Variants in PRKCQ observed in about 807,000 individuals in gnomAD.
PRKCQ encodes the protein protein kinase C theta.
A neutral mutation model predicts 91.2 loss-of-function variants in PRKCQ; 41 were observed. The observed-to-expected ratio is 0.45, with a 90% CI of 0.35 to 0.58. The LOEUF (loss-of-function observed/expected upper bound fraction) is 0.58. Among genes scored for constraint, PRKCQ ranks in the 20% least tolerant of loss-of-function variants. The pLI, the probability that PRKCQ is intolerant of heterozygous loss-of-function variation, is 0.00. For synonymous variants in PRKCQ, 307 were observed against 316.9 expected (o/e 0.97, Z 0.33); for missense variants, 673 against 896.5 (o/e 0.75, Z 3.18).
At chr10:6,514,970 C>T (rs761904975) in intron 2 of PRKCQ, 48 bp downstream of exon 2, 1 of 1,611,028 alleles carries the variant, frequency 6.2e-7, no homozygotes, top group South Asian at 1.1e-5. Flanking sequence ...CAGTTCATAG[C>T]AGGATTCTCC....
intron 4 of PRKCQ, among the ~76,000 whole-genome samples, chr10:6,503,087 C>T (rs924447335): frequency 6.6e-6 from 1 of 152,144 alleles, no homozygotes; most frequent in Admixed American, 6.5e-5. Context: ...ATCAGACTAT[C>T]CATGGCAAAG....
At chr10:6,470,165 A>T (rs923232346) in intron 12 of PRKCQ, among the ~76,000 whole-genome samples, 5 of 151,926 alleles carry the variant, frequency 3.3e-5, no homozygotes, top group African/African-American at 4.8e-5. Flanking sequence ...TTGATTGTCA[A>T]CTCTTCACCA....
At chr10:6,560,513 A>G (rs1450180435) in intron 1 of PRKCQ, among the ~76,000 whole-genome samples, 5 of 152,200 alleles carry the variant, frequency 3.3e-5, no homozygotes, top group Admixed American at 6.5e-5. Context: ...ATGAACCCGT[A>G]GAAAGTGTGG....
At chr10:6,400,198 C>T in the PRKCQ span, among the ~76,000 whole-genome samples, 1 of 152,216 alleles carries the variant, frequency 6.6e-6, no homozygotes, top group African/African-American at 2.4e-5. Flanking sequence ...CTGAATCCCC[C>T]GGCTCTGCCC....
At chr10:6,571,208 G>C (rs765192908) in intron 1 of PRKCQ, among the ~76,000 whole-genome samples, 1 of 151,998 alleles carries the variant, frequency 6.6e-6, no homozygotes, top group Non-Finnish European at 1.5e-5. Context: ...GTAGACACTG[G>C]AAAAAGCAGA....
chr10:6,521,936 T>TATTTATTTATTTATTTATTC (rs1564371826), intron 1 of PRKCQ, among the ~76,000 whole-genome samples: 128 of 151,262 alleles, frequency 8.5e-4, no homozygotes, highest in Non-Finnish European at 7.5e-4. Context: ...TTTATTTATT[T>TATTTATTTATTTATTTATTC]ATTTATTTAT....
At chr10:6,579,706 T>G (rs1271730150) in intron 1 of PRKCQ, among the ~76,000 whole-genome samples, 2 of 150,268 alleles carry the variant, frequency 1.3e-5, no homozygotes, top group Non-Finnish European at 3.0e-5. Flanking sequence ...CCCAGGCCCT[T>G]GACCAGAAAC....
chr10:6,561,179 T>A (rs114773973), intron 1 of PRKCQ, among the ~76,000 whole-genome samples: 1 of 151,740 alleles, frequency 6.6e-6, no homozygotes, highest in African/African-American at 2.4e-5. Flanking sequence ...GAGGCTAGCC[T>A]GGGCAACACA....
chr10:6,515,422 A>G, intron 1 of PRKCQ: 6 of 985,366 alleles, frequency 6.1e-6, no homozygotes, highest in Non-Finnish European at 7.2e-6. Context: ...ATTCAACCTA[A>G]TGGAGTTAGG....
chr10:6,397,018 T>G, the PRKCQ span, among the ~76,000 whole-genome samples: 1 of 152,264 alleles, frequency 6.6e-6, no homozygotes. Context: ...TTTGCATTTC[T>G]CTAATGACTA....
intron 15 of PRKCQ, among the ~76,000 whole-genome samples, chr10:6,447,771 C>T (rs1417623420): frequency 6.6e-6 from 1 of 152,200 alleles, no homozygotes; most frequent in Non-Finnish European, 1.5e-5. Flanking sequence ...TCGGCCTTCC[C>T]CAGGCCACAG....
the PRKCQ span, among the ~76,000 whole-genome samples, chr10:6,413,776 GCACA>G: frequency 1.8e-5 from 2 of 108,412 alleles, no homozygotes; most frequent in Admixed American, 9.8e-5. Flanking sequence ...TGCCACTTGT[GCACA>G]CACACACACT....
chr10:6,405,700 T>C, the PRKCQ span, among the ~76,000 whole-genome samples: 8 of 152,226 alleles, frequency 5.3e-5, no homozygotes, highest in African/African-American at 1.9e-4. Flanking sequence ...AAGTTCTTTA[T>C]CCTGCTCTTT....
At chr10:6,432,166 C>T (rs773878133) in intron 16 of PRKCQ, among the ~76,000 whole-genome samples, 5 of 152,116 alleles carry the variant, frequency 3.3e-5, no homozygotes, top group Admixed American at 1.3e-4. Context: ...CATGGTGGAA[C>T]GCGTGATTTT....
rs1277361944 is a variant in PRKCQ at position 6,490,888 on chromosome 10, G to C, written c.790+795C>G. On this transcript the variant is annotated intron_variant, in intron 8 of 17. Transcript: ENST00000263125. ...AAAGCAGAGTGCCTTGTCAGTTCTT[G>C]AGGGTTTTTTTTTTTCTTCCCTAGT... Among the ~76,000 whole-genome samples the C allele has an allele frequency of 3.0e-5, 4 of 134,584 alleles. No individual in the cohort carries two copies. In the East Asian group the frequency reaches 9.5e-4, roughly 32 times the overall value. The allele number at this position is 134,584 out of a possible 152,430, so 88.3% of individuals were successfully genotyped here.
At chr10:6,524,326 T>A (rs1469487578) in intron 1 of PRKCQ, among the ~76,000 whole-genome samples, 1 of 152,198 alleles carries the variant, frequency 6.6e-6, no homozygotes, top group African/African-American at 2.4e-5. Flanking sequence ...GTTATCTCCA[T>A]CTTATTAATT....
chr10:6,399,868 A>G, the PRKCQ span, among the ~76,000 whole-genome samples: 2 of 152,090 alleles, frequency 1.3e-5, no homozygotes, highest in East Asian at 1.9e-4. Context: ...AGCATCTCCT[A>G]TGAACCCAAG....
intron 14 of PRKCQ, among the ~76,000 whole-genome samples, chr10:6,459,159 CT>C (rs1835189288): frequency 6.6e-6 from 1 of 152,182 alleles, no homozygotes; most frequent in Non-Finnish European, 1.5e-5. Flanking sequence ...AAAAGTCTAC[CT>C]TCACAGAAGA....
At position 6,464,421 on chromosome 10, in the gene PRKCQ, C is replaced by G. The variant is rs753732198; in HGVS notation, c.1354-17G>C. On this transcript the variant is annotated splice_polypyrimidine_tract_variant and intron_variant, in intron 12 of 17. Coordinates refer to ENST00000263125, the MANE Select transcript of PRKCQ (RefSeq NM_006257.5). ...GAGGTTTTCCTGTGGAAAAACAAAA[C>G]AATTCCAACTTTTATTTCATTTCAT... 1 of 1,548,718 alleles carries G rather than the reference C, an allele frequency of 6.5e-7. No homozygotes were observed. Among genetic ancestry groups the G allele is most frequent in the East Asian group, 2.2e-5 (1 of 44,594 alleles).
Sources: allele counts gnomAD v4.1 joint callset (sites outside exome capture counted in the v4.1 genomes callset), GRCh38; gene constraint gnomAD v4.1.1; transcripts MANE v1.5; gene names NCBI Gene and HGNC (gene_info 2026-07-23, HGNC 2026-07-21).